Variants in PHF11 observed in about 807,000 individuals in gnomAD.
PHF11 encodes the protein BRCA1 C-terminus-associated protein.
In PHF11, 38 loss-of-function variants were observed where a neutral mutation model predicts 40.5. The ratio of observed to expected loss-of-function variants is 0.94; its 90% CI spans 0.72 to 1.23. PHF11 has a LOEUF of 1.23. Among genes scored for constraint, PHF11 ranks in the 50% most tolerant of loss-of-function variants. PHF11 has a pLI of 0.00. For synonymous variants in PHF11, 127 were observed against 138.2 expected (o/e 0.92, Z 0.57); for missense variants, 369 against 392.4 (o/e 0.94, Z 0.50).
chr13:49,522,914 A>G (rs886234761), intron 6 of PHF11, among the ~76,000 whole-genome samples: 1 of 151,678 alleles, frequency 6.6e-6, no homozygotes, highest in African/African-American at 2.4e-5. Context: ...ACAGGCATGC[A>G]CCACCACGCC....
intron 8 of PHF11, 114 bp downstream of exon 8, chr13:49,524,330 T>G: frequency 1.2e-6 from 1 of 832,452 alleles, no homozygotes; most frequent in Non-Finnish European, 1.9e-6. Context: ...ACTACTTTTT[T>G]CTTCTATCAG....
At chr13:49,496,339 A>G (rs1046381386) in intron 1 of PHF11, 3 of 1,067,750 alleles carry the variant, frequency 2.8e-6, no homozygotes, top group Non-Finnish European at 3.5e-6. Context: ...CTGACTGCCC[A>G]TGGTTTCGCG....
chr13:49,526,187 A>AG, intron 8 of PHF11, 200 bp from the exon 9 acceptor site: 1 of 482,998 alleles, frequency 2.1e-6, no homozygotes. Flanking sequence ...AAAAAAAAAA[A>AG]AAAGAAAAAA....
chr13:49,498,155 C>CTAG (rs1194616978), intron 1 of PHF11, among the ~76,000 whole-genome samples: 2 of 152,160 alleles, frequency 1.3e-5, no homozygotes, highest in South Asian at 2.1e-4. Context: ...ACTGGTTGGC[C>CTAG]TAGTAGTAGT....
intron 4 of PHF11, among the ~76,000 whole-genome samples, chr13:49,519,687 T>C (rs1253442804): frequency 1.5e-5 from 1 of 66,656 alleles, no homozygotes; most frequent in Non-Finnish European, 2.6e-5. Context: ...TGAAAGGAGC[T>C]TGGCCTTGAG....
At chr13:49,501,021 T>G (rs558585087) in intron 1 of PHF11, among the ~76,000 whole-genome samples, 2,046 of 146,256 alleles carry the variant, frequency 0.014, 112 homozygotes, top group Non-Finnish European at 0.024. Flanking sequence ...TTTTTGGTTT[T>G]TTTTTTTCTG....
intron 4 of PHF11, among the ~76,000 whole-genome samples, chr13:49,519,527 A>G (rs1250656580): frequency 1.3e-5 from 2 of 152,142 alleles, no homozygotes; most frequent in African/African-American, 4.8e-5. Context: ...CTTCATGCCT[A>G]TCATACATGA....
chr13:49,525,689 A>C, intron 8 of PHF11: 1 of 398,004 alleles, frequency 2.5e-6, no homozygotes, highest in South Asian at 1.8e-5. Flanking sequence ...TATTTTCTAT[A>C]GGGCAAAACC....
intron 7 of PHF11, 80 bp from the exon 8 acceptor site, chr13:49,524,005 T>G (rs1343730032): frequency 6.1e-6 from 7 of 1,155,220 alleles, no homozygotes; most frequent in Non-Finnish European, 8.7e-6. Flanking sequence ...CTAGGCAAGG[T>G]CTGAAGAAAT....
intron 1 of PHF11, among the ~76,000 whole-genome samples, chr13:49,505,647 A>C (rs1431147555): frequency 2.0e-5 from 3 of 152,224 alleles, no homozygotes; most frequent in Non-Finnish European, 4.4e-5. Flanking sequence ...CCAAATAGCA[A>C]ATAACCAGTT....
chr13:49,520,941 G>GT lies in PHF11; in HGVS notation c.505+2dup. On this transcript the variant is annotated splice_donor_variant, in intron 5 of 9. Transcript: ENST00000378319. LOFTEE classifies it high-confidence loss of function. ...CAATTCCCGATCATCGCTCAAAGTG[G>GT]TAAGTTTCTAAAATTTAGCACTGTG... The GT allele has an allele frequency of 6.3e-7, 1 of 1,575,324 alleles. No individual in the cohort carries two copies. Among genetic ancestry groups the GT allele is most frequent in the Non-Finnish European group, 8.7e-7 (1 of 1,150,800 alleles).
Position 49,513,180 on chromosome 13 carries a change from A to T in PHF11, c.324+14A>T. 7.9e-7 allele frequency: 1 copy of T among 1,259,254 alleles called. No individual in the cohort carries two copies. The highest frequency in any genetic ancestry group is 1.2e-6 in the Non-Finnish European group (1 of 858,282). 78.0% of individuals were successfully genotyped at this position (1,259,254 alleles called of 1,614,324 possible). ...GGAAGGAAGTTGGTAAGTGTAAATG[A>T]TGTTATTTCTTATACTGGATGAACA... is the stretch of plus-strand genomic sequence containing the variant. On this transcript the variant is annotated intron_variant, in intron 3 of 9. Coordinates refer to ENST00000378319, the MANE Select transcript of PHF11 (RefSeq NM_001040443.3).
chr13:49,501,052 C>T lies in PHF11; in HGVS notation c.94+4957C>T, dbSNP rs190083329. 2.8e-4 allele frequency among the ~76,000 whole-genome samples: 33 copies of T among 117,786 alleles called. No homozygotes were observed. The East Asian group carries it at 8.1e-3, about 29-fold the overall frequency. The allele number at this position is 117,786 out of a possible 152,430, so 77.3% of individuals were successfully genotyped here. On this transcript the variant is annotated intron_variant, in intron 1 of 9. Coordinates refer to ENST00000378319, the MANE Select transcript of PHF11 (RefSeq NM_001040443.3). ...TTCTGAAATGGAGTTTTGTTCTCAT[C>T]GCCTAGGCTGGAGTGCAATGGTGCG...
chr13:49,518,120 CCA>C lies in PHF11; in HGVS notation c.430_431del (p.Gln144ValfsTer2), dbSNP rs1566194028. 6.2e-7 allele frequency: 1 copy of C among 1,608,266 alleles called. No homozygotes were observed. Among genetic ancestry groups the C allele is most frequent in the Non-Finnish European group, 8.5e-7 (1 of 1,175,838 alleles). On this transcript the variant is annotated frameshift_variant, in exon 4 of 10. Transcript: ENST00000378319. LOFTEE classifies it high-confidence loss of function. Reference sequence around the variant, plus strand: ...CTGTGCCAAGAAGGACGACGCAGTTCCACAGTCTGATGGAGTTCGAGGAATTT... The same window carrying C: ...CTGTGCCAAGAAGGACGACGCAGTTCCAGTCTGATGGAGTTCGAGGAATTT... ...FFCAKKDDAV[P>X]QSDGVRGIYK...
intron 8 of PHF11, among the ~76,000 whole-genome samples, chr13:49,525,072 C>A (rs1183263805): frequency 6.6e-6 from 1 of 152,042 alleles, no homozygotes; most frequent in Non-Finnish European, 1.5e-5. Flanking sequence ...CCTTAATAAG[C>A]CAAGTGTCCT....
chr13:49,523,354 G>T, intron 7 of PHF11, 113 bp downstream of exon 7: 1 of 690,332 alleles, frequency 1.4e-6, no homozygotes, highest in South Asian at 1.7e-5. Context: ...CTAGGCTTGT[G>T]GTAATTAATG....
chr13:49,526,621 G>GCCCCCCCCCCCCCC (rs1222135505), intron 9 of PHF11, among the ~76,000 whole-genome samples, 163 bp downstream of exon 9: 30 of 145,752 alleles, frequency 2.1e-4, no homozygotes, highest in Non-Finnish European at 2.6e-4. Flanking sequence ...CCGCCCACCT[G>GCCCCCCCCCCCCCC]CCCACACACA....
chr13:49,508,310 A>G (rs964483914), intron 2 of PHF11, among the ~76,000 whole-genome samples: 1 of 146,788 alleles, frequency 6.8e-6, no homozygotes, highest in African/African-American at 2.5e-5. Flanking sequence ...AATAATATGC[A>G]TTTTATATAA....
At chr13:49,517,582 G>C (rs1959167355) in intron 3 of PHF11, among the ~76,000 whole-genome samples, 1 of 151,696 alleles carries the variant, frequency 6.6e-6, no homozygotes, top group South Asian at 2.1e-4. Context: ...ACCCACAGCA[G>C]GTTCTGAGTC....
Sources: allele counts gnomAD v4.1 joint callset (sites outside exome capture counted in the v4.1 genomes callset), GRCh38; gene constraint gnomAD v4.1.1; transcripts MANE v1.5; gene names NCBI Gene and HGNC (gene_info 2026-07-23, HGNC 2026-07-21).